Variants in HSD17B2 observed in about 807,000 individuals in gnomAD.
HSD17B2 encodes 17-beta-hydroxysteroid dehydrogenase type 2.
In HSD17B2, 32 loss-of-function variants were observed where a neutral mutation model predicts 26.9. That is an observed-to-expected ratio of 1.19 (90% CI 0.90 to 1.60). The LOEUF (loss-of-function observed/expected upper bound fraction) is 1.60. Ranked by LOEUF, HSD17B2 falls within the 40% of genes most tolerant of loss-of-function variation. The pLI, the probability that HSD17B2 is intolerant of heterozygous loss-of-function variation, is 0.00. For missense variants in HSD17B2, 613 were observed against 468.6 expected (o/e 1.31, Z -2.85); for synonymous variants, 246 against 186.7 (o/e 1.32, Z -2.59).
chr16:82,052,209 A>G (rs1349130610), intron 1 of HSD17B2: 1 of 152,228 alleles, frequency 6.6e-6, no homozygotes, highest in African/African-American at 2.4e-5. Context: ...GGCTGTGGGA[A>G]TGGGGAGGCT....
At chr16:82,052,523 C>T (rs1038831320) in intron 1 of HSD17B2, 2 of 152,178 alleles carry the variant, frequency 1.3e-5, no homozygotes, top group East Asian at 1.9e-4. Flanking sequence ...AGGGAGCAAC[C>T]CTTGAGGTTT....
At chr16:82,051,482 C>T (rs535718383) in intron 1 of HSD17B2, among the ~76,000 whole-genome samples, 5 of 152,084 alleles carry the variant, frequency 3.3e-5, no homozygotes, top group South Asian at 4.2e-4. Context: ...AACCAAGTAC[C>T]GCATGTTCTC....
chr16:82,035,491 G>T lies in HSD17B2; in HGVS notation c.67G>T (p.Val23Leu). 4.3e-6 allele frequency: 7 copies of T among 1,614,112 alleles called. No homozygotes were observed. Among genetic ancestry groups the T allele is most frequent in the Non-Finnish European group, 5.9e-6 (7 of 1,180,034 alleles). ...LAVPTVLCGT[V>L]FCKYKKSSGQ... ...TGTCCCCACAGTACTATGTGGGACA[G>T]TATTTTGCAAATACAAGAAGAGCTC... Residue 23 changes from valine (V) to leucine (L), a missense_variant, in exon 1 of 5, where the codon GTA becomes TTA. By Grantham distance (32) the Val-to-Leu change is conservative. Transcript: ENST00000199936.
At chr16:82,047,229 C>T (rs1163982591) in intron 1 of HSD17B2, among the ~76,000 whole-genome samples, 2 of 152,324 alleles carry the variant, frequency 1.3e-5, no homozygotes, top group East Asian at 3.9e-4. Context: ...TCCAAATATT[C>T]CCAGTCATGC....
intron 3 of HSD17B2, among the ~76,000 whole-genome samples, chr16:82,089,632 C>A (rs1657615514): frequency 1.3e-5 from 2 of 152,118 alleles, no homozygotes; most frequent in Non-Finnish European, 2.9e-5. Flanking sequence ...ATGTCTAAAC[C>A]AAGTGTTAGC....
chr16:82,047,176 A>T (rs1347434252), intron 1 of HSD17B2, among the ~76,000 whole-genome samples: 1 of 152,216 alleles, frequency 6.6e-6, no homozygotes, highest in East Asian at 1.9e-4. Flanking sequence ...TTCTCCAGTG[A>T]GCAATCATAA....
chr16:82,098,079 C>T lies in HSD17B2; in HGVS notation c.807C>T (p.Ile269=), dbSNP rs374561666. Residue 269 remains isoleucine, a synonymous_variant, in exon 5 of 5, where the codon ATC becomes ATT. Coordinates refer to ENST00000199936, the MANE Select transcript of HSD17B2 (RefSeq NM_002153.3). The part of the protein sequence containing the change: ...SIQPGGFLTN[I]AGTSDKWEKL... The stretch of plus-strand genomic sequence containing the variant: ...TTCCCTTTCCTTTCACCCCAGATAT[C>T]GCAGGCACCAGTGACAAGTGGGAAA... The T allele has an allele frequency of 1.4e-5, 23 of 1,609,174 alleles. No homozygotes were observed. The Middle Eastern group carries it at 6.6e-4, about 46-fold the overall frequency.
intron 3 of HSD17B2, among the ~76,000 whole-genome samples, chr16:82,085,989 G>C (rs1904517733): frequency 2.0e-5 from 3 of 152,074 alleles, no homozygotes; most frequent in Non-Finnish European, 4.4e-5. Context: ...ATGTTGGTGA[G>C]AATGTGGAGA....
chr16:82,077,962 G>C (rs1340630154), intron 3 of HSD17B2, among the ~76,000 whole-genome samples: 1 of 152,094 alleles, frequency 6.6e-6, no homozygotes, highest in Non-Finnish European at 1.5e-5. Flanking sequence ...GAAAACATTA[G>C]GGAAACTCTC....
At chr16:82,094,873 G>A (rs1469650005) in intron 4 of HSD17B2, 3 of 152,188 alleles carry the variant, frequency 2.0e-5, no homozygotes, top group South Asian at 2.1e-4. Flanking sequence ...GCCCCATCTT[G>A]CAGTGAGAAA....
At chr16:82,087,442 A>AT (rs1904559941) in intron 3 of HSD17B2, among the ~76,000 whole-genome samples, 1 of 152,188 alleles carries the variant, frequency 6.6e-6, no homozygotes, top group African/African-American at 2.4e-5. Flanking sequence ...ATCTTACGTC[A>AT]TCTTAAACAT....
intron 4 of HSD17B2, chr16:82,093,855 T>C (rs1486117576): frequency 6.6e-6 from 1 of 152,236 alleles, no homozygotes; most frequent in Non-Finnish European, 1.5e-5. Context: ...TTCATGAGTT[T>C]TCTGGGAAAG....
chr16:82,070,819 A>G, intron 2 of HSD17B2, 123 bp from the exon 3 acceptor site: 2 of 853,968 alleles, frequency 2.3e-6, no homozygotes, highest in Non-Finnish European at 1.8e-6. Context: ...CCAGTGGCAG[A>G]CTCTAATCCC....
intron 4 of HSD17B2, chr16:82,095,559 G>C (rs1904816392): frequency 6.6e-6 from 1 of 152,296 alleles, no homozygotes; most frequent in Non-Finnish European, 1.5e-5. Flanking sequence ...CCTTCGACCA[G>C]GCTGTACTTT....
rs747783204 is a variant in HSD17B2, at chr16:82,070,700, A to G, written c.479-242A>G. On this transcript the variant is annotated intron_variant, in intron 2 of 4. Transcript: ENST00000199936. ...TGCTGGTTCACTTAGTAAATTCTGA[A>G]GAGTTTCTGGAACAGAATATTCTAC... 139 of 514,450 alleles carry G rather than the reference A, an allele frequency of 2.7e-4. 1 individual carries two copies. Among genetic ancestry groups the G allele is most frequent in the Non-Finnish European group, 4.1e-4 (121 of 292,628 alleles). 31.9% of individuals were successfully genotyped at this position (514,450 alleles called of 1,614,324 possible).
chr16:82,045,046 A>G (rs1283715458), intron 1 of HSD17B2, among the ~76,000 whole-genome samples: 2 of 147,360 alleles, frequency 1.4e-5, no homozygotes, highest in Non-Finnish European at 3.0e-5. Context: ...TCGCTTGAAC[A>G]TGAGAGGCAG....
chr16:82,068,847 C>G (rs957507296), intron 2 of HSD17B2, among the ~76,000 whole-genome samples: 2 of 152,208 alleles, frequency 1.3e-5, no homozygotes, highest in Non-Finnish European at 2.9e-5. Context: ...TTGGCTCTCA[C>G]TCTGCCTCCC....
chr16:82,036,975 G>C (rs1445047587), intron 1 of HSD17B2, among the ~76,000 whole-genome samples: 1 of 152,182 alleles, frequency 6.6e-6, no homozygotes, highest in East Asian at 1.9e-4. Context: ...CTGAGAAAAT[G>C]GGAATCCCTT....
intron 1 of HSD17B2, among the ~76,000 whole-genome samples, chr16:82,060,991 C>T (rs8191115): frequency 0.021 from 3,220 of 152,136 alleles, 103 homozygotes; most frequent in African/African-American, 0.072. Context: ...CCAGGCGTGG[C>T]GACTCACACC....
Sources: allele counts gnomAD v4.1 joint callset (sites outside exome capture counted in the v4.1 genomes callset), GRCh38; gene constraint gnomAD v4.1.1; transcripts MANE v1.5; gene names NCBI Gene and HGNC (gene_info 2026-07-23, HGNC 2026-07-21).